Variants in CDV3 observed in about 807,000 individuals in gnomAD.
CDV3 encodes the protein protein CDV3 homolog.
In CDV3, 14 loss-of-function variants were observed where a neutral mutation model predicts 24.5. The observed-to-expected ratio is 0.57, with a 90% CI of 0.38 to 0.89. The LOEUF is 0.89. CDV3 is among the 40% of genes least tolerant of loss of function. CDV3 has a pLI of 0.00. For missense variants in CDV3, 304 were observed against 310.2 expected (o/e 0.98, Z 0.15); for synonymous variants, 114 against 114.1 (o/e 1.00, Z 0.00).
rs1298440149 is a variant in CDV3 at position 133,573,795 on chromosome 3, C to G, written c.-250C>G. On this transcript the variant is annotated 5_prime_UTR_variant, in exon 1 of 5. Coordinates refer to ENST00000264993, the MANE Select transcript of CDV3 (RefSeq NM_017548.5). ...GCGGAATCCTGCTCCGCCGTCGCAG[C>G]AGCAGCGGCAGCCCCGGCAGCCTCG... The G allele has an allele frequency of 6.5e-6, 1 of 153,754 alleles. No individual in the cohort carries two copies. 9.5% of individuals were successfully genotyped at this position (153,754 alleles called of 1,614,324 possible).
intron 4 of CDV3, chr3:133,587,471 C>T (rs941308194): frequency 8.8e-7 from 1 of 1,137,530 alleles, no homozygotes; most frequent in Non-Finnish European, 1.1e-6. Context: ...TAATCAGATC[C>T]ACTCCCACAA....
chr3:133,579,346 A>G (rs1310992218), intron 2 of CDV3, among the ~76,000 whole-genome samples: 1 of 152,210 alleles, frequency 6.6e-6, no homozygotes, highest in African/African-American at 2.4e-5. Context: ...GCTGATGGGA[A>G]GCTATATATT....
intron 4 of CDV3, chr3:133,587,176 T>C (rs892733940): frequency 1.5e-6 from 2 of 1,352,838 alleles, no homozygotes; most frequent in Non-Finnish European, 2.0e-6. Context: ...TTAAAATGAA[T>C]GCTACCTGGA....
intron 2 of CDV3, among the ~76,000 whole-genome samples, chr3:133,580,827 A>G (rs1388097165): frequency 6.6e-6 from 1 of 152,202 alleles, no homozygotes; most frequent in Non-Finnish European, 1.5e-5. Flanking sequence ...GGCATGAGCC[A>G]CTGCACCTGG....
intron 4 of CDV3, among the ~76,000 whole-genome samples, 158 bp downstream of exon 4, chr3:133,586,880 T>G (rs537029333): frequency 6.6e-5 from 10 of 152,328 alleles, no homozygotes; most frequent in South Asian, 6.2e-4. Context: ...AGGGTGGGAC[T>G]TCATATGTCC....
At position 133,588,659 on chromosome 3, in the gene CDV3, C is replaced by A. The variant is rs1486321937; in HGVS notation, c.*613C>A. 2 of 478,740 alleles carry A rather than the reference C, an allele frequency of 4.2e-6. No homozygotes were observed. The highest frequency in any genetic ancestry group is 7.5e-6 in the Non-Finnish European group (2 of 266,796). 29.7% of individuals were successfully genotyped at this position (478,740 alleles called of 1,614,324 possible). On this transcript the variant is annotated 3_prime_UTR_variant, in exon 5 of 5. Coordinates refer to ENST00000264993, the MANE Select transcript of CDV3 (RefSeq NM_017548.5). ...TCCTGGAACACACTGCTGAAAAGAA[C>A]TGATGTGTTCAGATCATCTGTGTAG...
intron 2 of CDV3, among the ~76,000 whole-genome samples, chr3:133,579,073 G>A (rs1198058661): frequency 6.6e-6 from 1 of 152,210 alleles, no homozygotes; most frequent in Non-Finnish European, 1.5e-5. Context: ...CTACTTTGTA[G>A]CCCTGGGGAA....
chr3:133,575,642 A>T (rs562967730), intron 2 of CDV3, among the ~76,000 whole-genome samples: 3 of 152,252 alleles, frequency 2.0e-5, no homozygotes, highest in African/African-American at 7.2e-5. Flanking sequence ...ACACATACTC[A>T]CTGCATTCAC....
chr3:133,584,612 A>G (rs541227204), intron 3 of CDV3, among the ~76,000 whole-genome samples: 1 of 152,334 alleles, frequency 6.6e-6, no homozygotes, highest in Admixed American at 6.5e-5. Context: ...TTTATCATTT[A>G]AAATATTTTT....
rs1387966643 is a variant in CDV3 at position 133,589,092 on chromosome 3, G to A, written c.*1046G>A. 4.6e-5 allele frequency: 7 copies of A among 152,672 alleles called. No individual in the cohort carries two copies. Among genetic ancestry groups the A allele is most frequent in the African/African-American group, 1.2e-4 (5 of 41,442 alleles). 9.5% of individuals were successfully genotyped at this position (152,672 alleles called of 1,614,324 possible). On this transcript the variant is annotated 3_prime_UTR_variant, in exon 5 of 5. Coordinates refer to ENST00000264993, the MANE Select transcript of CDV3 (RefSeq NM_017548.5). The stretch of plus-strand genomic sequence containing the variant: ...GGACTAAATTGTGTAGGAAACTGCA[G>A]TGGGAAGAATATGCTTTCTGCTCAG...
chr3:133,586,837 GCC>G lies in CDV3; in HGVS notation c.626+116_626+117del, dbSNP rs1348483011. The G allele has an allele frequency of 2.7e-5, 18 of 657,722 alleles. No individual in the cohort carries two copies. The African/African-American group carries it at 2.7e-4, about 10-fold the overall frequency. 40.7% of individuals were successfully genotyped at this position (657,722 alleles called of 1,614,324 possible). On this transcript the variant is annotated intron_variant, in intron 4 of 4. Transcript: ENST00000264993. ...GAGAGACTACTCCTTAACTAATAAA[GCC>G]TGAGCTTCAGCTGACAGGCAGGTGA...
At chr3:133,574,349 C>A (rs971504836) in intron 1 of CDV3, 65 bp downstream of exon 1, 6 of 922,484 alleles carry the variant, frequency 6.5e-6, no homozygotes, top group Non-Finnish European at 7.8e-6. Flanking sequence ...GTGCCCGCCC[C>A]CGCCTGCCGG....
chr3:133,581,907 AG>A (rs1390280904), intron 2 of CDV3, among the ~76,000 whole-genome samples: 9 of 152,246 alleles, frequency 5.9e-5, no homozygotes, highest in African/African-American at 2.2e-4. Flanking sequence ...GTTAACGAAA[AG>A]GAAAACTGAG....
chr3:133,574,132 A>G lies in CDV3; in HGVS notation c.88A>G (p.Ser30Gly), dbSNP rs754534420. The G allele has an allele frequency of 8.4e-7, 1 of 1,194,252 alleles. No individual in the cohort carries two copies. The allele number at this position is 1,194,252 out of a possible 1,614,324, so 74.0% of individuals were successfully genotyped here. Residue 30 changes from serine to glycine, a missense_variant, in exon 1 of 5, where the codon AGT becomes GGT. Coordinates refer to ENST00000264993, the MANE Select transcript of CDV3 (RefSeq NM_017548.5). ...GAAGGAGCGGAGCAACCGGGCGGCG[A>G]GTGCCGCGGGCGCAGCGGGCAGCGC... ...KKKERSNRAA[S>G]AAGAAGSAGG...
chr3:133,584,989 T>C (rs1406686452), intron 3 of CDV3, among the ~76,000 whole-genome samples: 1 of 152,228 alleles, frequency 6.6e-6, no homozygotes, highest in Non-Finnish European at 1.5e-5. Flanking sequence ...TAGAATGTTA[T>C]AAAGAATAAC....
At chr3:133,576,276 T>G (rs1279304632) in intron 2 of CDV3, among the ~76,000 whole-genome samples, 1 of 152,224 alleles carries the variant, frequency 6.6e-6, no homozygotes, top group Non-Finnish European at 1.5e-5. Context: ...TGTAGTGGTG[T>G]TGAGTAGAAG....
chr3:133,589,710 A>G lies in CDV3; in HGVS notation c.*1664A>G, dbSNP rs1165129082. On this transcript the variant is annotated 3_prime_UTR_variant, in exon 5 of 5. Transcript: ENST00000264993. ...ACGAAAGTGTCCGTGCAGGAATTGGACTCCGAGGAGGGTTACAGTATCTCC... is the reference window on the plus strand; with the variant it reads ...ACGAAAGTGTCCGTGCAGGAATTGGGCTCCGAGGAGGGTTACAGTATCTCC... 6.6e-6 allele frequency: 1 copy of G among 152,376 alleles called. No individual in the cohort carries two copies. The highest frequency in any genetic ancestry group is 6.5e-5 in the Admixed American group (1 of 15,270). 9.4% of individuals were successfully genotyped at this position (152,376 alleles called of 1,614,324 possible). A position where few individuals can be genotyped will look rare whatever the true frequency, so the allele number is the denominator to read the frequency against.
chr3:133,580,019 G>A (rs991619912), intron 2 of CDV3, among the ~76,000 whole-genome samples: 4 of 152,000 alleles, frequency 2.6e-5, no homozygotes, highest in African/African-American at 7.3e-5. Context: ...TGTACACAAC[G>A]TGCAGGTTTG....
chr3:133,577,410 G>A lies in CDV3; in HGVS notation c.317+2295G>A, dbSNP rs370935370. ...AGTTTCGCTCTTGTTGCACAGGCTG[G>A]AGTGCAATGGTGCGATCTCAGCTCA... On this transcript the variant is annotated intron_variant, in intron 2 of 4. Transcript: ENST00000264993. Among the ~76,000 whole-genome samples, 20 of 151,236 alleles carry A rather than the reference G, an allele frequency of 1.3e-4. 2 individuals carry two copies. Among genetic ancestry groups the A allele is most frequent in the African/African-American group, 2.4e-4 (10 of 41,136 alleles).
Sources: gnomAD v4.1 joint callset for allele counts (sites outside exome capture counted in the v4.1 genomes callset) on GRCh38, gnomAD v4.1.1 for gene constraint, MANE v1.5 for transcripts, NCBI Gene and HGNC (gene_info 2026-07-23, HGNC 2026-07-21) for gene names.